ZNF682: variants seen among roughly 807,000 people sequenced by gnomAD.
ZNF682 encodes the protein zinc finger protein 682.
A neutral mutation model predicts 36.5 loss-of-function variants in ZNF682; 29 were observed. The observed-to-expected ratio is 0.80, with a 90% CI of 0.59 to 1.08. The LOEUF is 1.08. ZNF682 is among the 50% of genes least tolerant of loss of function. The probability of loss-of-function intolerance (pLI) is 0.00; values close to 1 mark genes in which losing one functional copy is unlikely to be tolerated. For synonymous variants in ZNF682, 180 were observed against 197.0 expected, an observed-to-expected ratio of 0.91 and a Z score of 0.72; for missense variants, 561 against 579.7, an observed-to-expected ratio of 0.97 and a Z score of 0.33.
chr19:20,024,463 T>G (rs767669057), intron 1 of ZNF682, 87 bp from the exon 2 acceptor site: 30 of 1,407,782 alleles, frequency 2.1e-5, no homozygotes, highest in Non-Finnish European at 2.9e-5. Flanking sequence ...CTGTGACTTA[T>G]GAGAGTTACT....
At chr19:19,998,814 G>A (rs2088144229) in intron 3 of ZNF682, among the ~76,000 whole-genome samples, 2 of 152,050 alleles carry the variant, frequency 1.3e-5, no homozygotes, top group African/African-American at 4.8e-5. Flanking sequence ...TCAGTTTGAG[G>A]AATACAGTAC....
intron 1 of ZNF682, among the ~76,000 whole-genome samples, chr19:20,035,353 G>A (rs1446187041): frequency 6.6e-6 from 1 of 152,056 alleles, no homozygotes; most frequent in East Asian, 2.0e-4. Context: ...AGGCTCCCGA[G>A]TAGCTGAGAT....
chr19:19,999,815 T>C (rs1025531009), downstream of ZNF682, among the ~76,000 whole-genome samples: 36 of 152,212 alleles, frequency 2.4e-4, no homozygotes, highest in Admixed American at 6.5e-5. Flanking sequence ...GTTACAGGCT[T>C]GAGCCACTGC....
chr19:20,029,028 G>GA (rs1313241793), intron 1 of ZNF682, among the ~76,000 whole-genome samples: 1 of 147,312 alleles, frequency 6.8e-6, no homozygotes, highest in African/African-American at 2.5e-5. Context: ...GCCCAGGCTG[G>GA]AGGGCAGTGG....
At chr19:20,017,962 T>C (rs559783126) in intron 3 of ZNF682, among the ~76,000 whole-genome samples, 51 of 152,056 alleles carry the variant, frequency 3.4e-4, no homozygotes, top group Non-Finnish European at 4.3e-4. Context: ...ATAATTTCAT[T>C]TTGTTAAGAT....
chr19:19,997,939 G>A (rs144095002), intron 3 of ZNF682, among the ~76,000 whole-genome samples: 1 of 152,184 alleles, frequency 6.6e-6, no homozygotes, highest in Non-Finnish European at 1.5e-5. Context: ...AAGTCACACC[G>A]AGGTCATGCA....
chr19:20,007,411 G>A (rs982172936), intron 3 of ZNF682, 136 bp from the exon 4 acceptor site: 2 of 761,538 alleles, frequency 2.6e-6, no homozygotes, highest in Non-Finnish European at 4.0e-6. Context: ...CTCACTCCAA[G>A]GAGAGAAAAC....
chr19:20,036,115 A>G (rs530766247), intron 1 of ZNF682, among the ~76,000 whole-genome samples: 83 of 152,202 alleles, frequency 5.5e-4, no homozygotes, highest in Non-Finnish European at 7.9e-4. Flanking sequence ...TTCTTAAAAT[A>G]TAAATAGAAA....
Position 20,005,585 on chromosome 19 carries a change from A to G in ZNF682, c.*420T>C. The G allele has an allele frequency of 6.2e-6, 1 of 161,910 alleles. No homozygotes were observed. The highest frequency in any genetic ancestry group is 1.3e-5 in the Non-Finnish European group (1 of 74,320). The allele number at this position is 161,910 out of a possible 1,614,324, so 10.0% of individuals were successfully genotyped here. A position where few individuals can be genotyped will look rare whatever the true frequency, so the allele number is the denominator to read the frequency against. On this transcript the variant is annotated 3_prime_UTR_variant, in exon 4 of 4. Coordinates refer to ENST00000397165, the MANE Select transcript of ZNF682 (RefSeq NM_033196.3). Reference sequence around the variant, plus strand: ...ATTTGTAATGTTTTTCTTCAGTATAAAAACTCTTGTGTACTCTAAGGCTTA... The same window carrying G: ...ATTTGTAATGTTTTTCTTCAGTATAGAAACTCTTGTGTACTCTAAGGCTTA...
At chr19:20,023,238 C>T (rs2088402774) in intron 2 of ZNF682, 139 bp from the exon 3 acceptor site, 3 of 684,918 alleles carry the variant, frequency 4.4e-6, no homozygotes, top group Non-Finnish European at 6.8e-6. Context: ...TTGGCTCATA[C>T]CTGTAATCCC....
At chr19:20,015,156 A>G (rs2088324532) in intron 3 of ZNF682, 53 of 973,820 alleles carry the variant, frequency 5.4e-5, no homozygotes, top group Non-Finnish European at 6.2e-5. Context: ...ATAAAGTTAT[A>G]AAGCTTTTCA....
intron 3 of ZNF682, among the ~76,000 whole-genome samples, chr19:20,019,495 AT>A (rs1316946499): frequency 6.6e-6 from 1 of 152,170 alleles, no homozygotes; most frequent in African/African-American, 2.4e-5. Context: ...CAAACTGAAA[AT>A]TTTCTGCACA....
At chr19:20,015,151 G>C (rs1486251779) in intron 3 of ZNF682, 1 of 965,836 alleles carries the variant, frequency 1.0e-6, no homozygotes, top group Non-Finnish European at 1.2e-6. Context: ...CTAAAATAAA[G>C]TTATAAAGCT....
At chr19:20,014,712 G>C (rs554092269) in intron 3 of ZNF682, among the ~76,000 whole-genome samples, 1 of 151,612 alleles carries the variant, frequency 6.6e-6, no homozygotes, top group Non-Finnish European at 1.5e-5. Context: ...CCTGGGAGGC[G>C]GAGGTTGAAG....
At chr19:20,033,871 C>G (rs1462244934) in intron 1 of ZNF682, 1 of 153,118 alleles carries the variant, frequency 6.5e-6, no homozygotes, top group African/African-American at 2.4e-5. Flanking sequence ...TCAGTTTCTA[C>G]TGACAACGAT....
chr19:20,019,554 G>C (rs1453757749), intron 3 of ZNF682, among the ~76,000 whole-genome samples: 2 of 152,052 alleles, frequency 1.3e-5, no homozygotes, highest in Non-Finnish European at 2.9e-5. Context: ...AAAAATATTT[G>C]CAAGCCATAC....
chr19:20,007,318 G>T (rs1568538173), intron 3 of ZNF682, 43 bp from the exon 4 acceptor site: 1 of 1,498,872 alleles, frequency 6.7e-7, no homozygotes, highest in Non-Finnish European at 9.0e-7. Context: ...GTTATTTTCA[G>T]ACTCAGATAC....
intron 1 of ZNF682, among the ~76,000 whole-genome samples, chr19:20,028,644 CTCTTCTTAGAACACAAATGCT>C (rs2088453129): frequency 1.3e-5 from 2 of 152,212 alleles, no homozygotes; most frequent in Admixed American, 1.3e-4. Flanking sequence ...TATACCTACA[CTCTTCTTAGAACACAAATGCT>C]TTTGGTCCAA....
intron 3 of ZNF682, among the ~76,000 whole-genome samples, chr19:20,008,504 A>G (rs1180676826): frequency 3.3e-5 from 5 of 151,984 alleles, no homozygotes; most frequent in Admixed American, 3.3e-4. Context: ...CCATGGTGCA[A>G]TTGCCCTGCC....
Sources: gnomAD v4.1 joint callset for allele counts (sites outside exome capture counted in the v4.1 genomes callset) on GRCh38, gnomAD v4.1.1 for gene constraint, MANE v1.5 for transcripts, NCBI Gene and HGNC (gene_info 2026-07-23, HGNC 2026-07-21) for gene names.